The following MMD2 variants were observed in gnomAD, a reference collection of about 807,000 sequenced individuals.
MMD2 encodes the protein monocyte to macrophage differentiation associated 2.
Under a neutral mutation model 33.5 loss-of-function variants are expected in MMD2, and 30 were observed. The observed-to-expected ratio is 0.90, with a 90% confidence interval of 0.67 to 1.22. The LOEUF (loss-of-function observed/expected upper bound fraction) is 1.22, where lower values mean the gene tolerates loss of function less well. Among genes scored for constraint, MMD2 ranks in the 50% most tolerant of loss-of-function variants. MMD2 has a pLI of 0.00. For synonymous variants in MMD2, 129 were observed against 123.0 expected (o/e 1.05, Z -0.32); for missense variants, 364 against 325.4 (o/e 1.12, Z -0.91).
intron 4 of MMD2, among the ~76,000 whole-genome samples, chr7:4,912,911 C>T (rs1281220132): frequency 1.3e-5 from 2 of 152,052 alleles, no homozygotes; most frequent in Non-Finnish European, 2.9e-5. Flanking sequence ...ACCATGTTGG[C>T]CAGGCTGGTC....
chr7:4,933,156 G>C (rs555212617), intron 1 of MMD2, among the ~76,000 whole-genome samples: 1 of 151,476 alleles, frequency 6.6e-6, no homozygotes, highest in South Asian at 2.1e-4. Context: ...CGAGAGGATC[G>C]CTTGAGACCA....
At chr7:4,952,683 T>A (rs1365500474) in intron 1 of MMD2, among the ~76,000 whole-genome samples, 4 of 135,794 alleles carry the variant, frequency 2.9e-5, no homozygotes, top group Non-Finnish European at 6.2e-5. Context: ...GCGTGCTCCG[T>A]ATGAGATTTT....
chr7:4,924,491 T>G (rs939771386), intron 2 of MMD2, among the ~76,000 whole-genome samples: 1 of 152,256 alleles, frequency 6.6e-6, no homozygotes, highest in African/African-American at 2.4e-5. Context: ...AACTCATGTC[T>G]GCATTGCCAG....
chr7:4,911,562 C>T (rs894163611), intron 4 of MMD2, among the ~76,000 whole-genome samples: 8 of 152,006 alleles, frequency 5.3e-5, no homozygotes, highest in South Asian at 2.1e-4. Context: ...TCTCTGTAAC[C>T]GCAGTTCCGG....
intron 2 of MMD2, among the ~76,000 whole-genome samples, chr7:4,922,143 T>C (rs1236234033): frequency 6.6e-6 from 1 of 152,000 alleles, no homozygotes; most frequent in African/African-American, 2.4e-5. Context: ...GGAGAATCGC[T>C]TCAACCCAGG....
At position 4,934,482 on chromosome 7, in the gene MMD2, C is replaced by T. The variant is rs1346651167; in HGVS notation, c.48-8950G>A. Among the ~76,000 whole-genome samples the T allele has an allele frequency of 1.3e-5, 2 of 152,194 alleles. 1 individual carries two copies. The highest frequency in any genetic ancestry group is 4.8e-5 in the African/African-American group (2 of 41,446). Reference sequence around the variant, plus strand: ...CAGAGGTGGCAGTCAGAGAGGCAGCCTCGACGGTGGGAAACTTCTCTCGAA... The same window carrying T: ...CAGAGGTGGCAGTCAGAGAGGCAGCTTCGACGGTGGGAAACTTCTCTCGAA... On this transcript the variant is annotated intron_variant, in intron 1 of 6. Transcript: ENST00000401401.
At position 4,924,543 on chromosome 7, in the gene MMD2, T is replaced by A. The variant is rs528167938; in HGVS notation, c.129+908A>T. Among the ~76,000 whole-genome samples, 7 of 152,306 alleles carry A rather than the reference T, an allele frequency of 4.6e-5. 1 individual carries two copies. In the South Asian group the frequency reaches 1.2e-3, roughly 27 times the overall value. On this transcript the variant is annotated intron_variant, in intron 2 of 6. Transcript: ENST00000401401. ...TGCTGCCTTGAGGGTACCCAGGAAC[T>A]GTTTGCTGAATGAATGTGTGATGGA... is the stretch of plus-strand genomic sequence containing the variant.
chr7:4,909,930 A>G lies in MMD2; in HGVS notation c.488T>C (p.Leu163Pro). Residue 163 changes from leucine to proline, a missense_variant, in exon 6 of 7, where the codon CTC (leucine) becomes CCC (proline). Transcript: ENST00000401401. Reference protein sequence around the residue: ...FHERYKLVELLCYVVMGFFPA... With the variant: ...FHERYKLVELPCYVVMGFFPA... ...GAAGAAGCCCATTACGACGTAGCAG[A>G]GAAGCTCCACAAGCTTGTACCTGGC... 1 of 1,613,966 alleles carries G rather than the reference A, an allele frequency of 6.2e-7. No individual in the cohort carries two copies. Among genetic ancestry groups the G allele is most frequent in the Non-Finnish European group, 8.5e-7 (1 of 1,179,902 alleles).
intron 1 of MMD2, among the ~76,000 whole-genome samples, chr7:4,943,112 C>A (rs1444075494): frequency 6.7e-6 from 1 of 149,158 alleles, no homozygotes; most frequent in Admixed American, 6.9e-5. Flanking sequence ...TGGGTTCAAG[C>A]GATTCTCCTG....
intron 1 of MMD2, among the ~76,000 whole-genome samples, chr7:4,939,277 G>T (rs1233403368): frequency 1.3e-5 from 2 of 152,078 alleles, no homozygotes; most frequent in Non-Finnish European, 2.9e-5. Flanking sequence ...TGGGCCCGGT[G>T]GCTCGTGCCT....
chr7:4,900,621 C>T, the MMD2 span, among the ~76,000 whole-genome samples: 1 of 152,084 alleles, frequency 6.6e-6, no homozygotes, highest in Non-Finnish European at 1.5e-5. Context: ...TCCATGACTC[C>T]TCACCTCCCA....
intron 2 of MMD2, among the ~76,000 whole-genome samples, chr7:4,924,708 T>C (rs559044685): frequency 6.6e-6 from 1 of 152,282 alleles, no homozygotes; most frequent in Non-Finnish European, 1.5e-5. Context: ...GGAAAGGGTT[T>C]CATAGGCAGG....
At chr7:4,924,596 G>A (rs1018943542) in intron 2 of MMD2, among the ~76,000 whole-genome samples, 4 of 152,204 alleles carry the variant, frequency 2.6e-5, no homozygotes, top group African/African-American at 7.2e-5. Context: ...GGCCGTGAAG[G>A]CTACAATGGC....
At chr7:4,908,016 C>T (rs1784906997) in intron 6 of MMD2, among the ~76,000 whole-genome samples, 1 of 151,986 alleles carries the variant, frequency 6.6e-6, no homozygotes, top group South Asian at 2.1e-4. Context: ...CACTATATTG[C>T]CCAGGCTGGT....
At chr7:4,945,249 T>TTCTTCTTCTTCTTCTTCTTC (rs1491219177) in intron 1 of MMD2, among the ~76,000 whole-genome samples, 3 of 144,086 alleles carry the variant, frequency 2.1e-5, no homozygotes, top group African/African-American at 5.2e-5. Flanking sequence ...CCTCTCTCTC[T>TTCTTCTTCTTCTTCTTCTTC]TTCTTTCCCT....
At chr7:4,942,017 G>T (rs568114034) in intron 1 of MMD2, among the ~76,000 whole-genome samples, 117 of 152,160 alleles carry the variant, frequency 7.7e-4, no homozygotes, top group African/African-American at 2.6e-3. Flanking sequence ...GCTGTGGCAT[G>T]ATCTCAGCTC....
chr7:4,892,557 C>T, the MMD2 span, among the ~76,000 whole-genome samples: 1 of 151,100 alleles, frequency 6.6e-6, no homozygotes, highest in Non-Finnish European at 1.5e-5. Context: ...TACTGTACTC[C>T]AGCCTGGGTG....
intron 4 of MMD2, among the ~76,000 whole-genome samples, chr7:4,914,863 G>A (rs911692619): frequency 4.6e-5 from 7 of 152,094 alleles, no homozygotes; most frequent in Non-Finnish European, 1.0e-4. Context: ...CCCGGGAGGT[G>A]GAGGTTGCAG....
downstream of MMD2, among the ~76,000 whole-genome samples, chr7:4,904,345 G>T (rs1410446301): frequency 6.6e-6 from 1 of 152,180 alleles, no homozygotes; most frequent in Non-Finnish European, 1.5e-5. Context: ...CACTACTTAG[G>T]ATACATTCAG....
Sources: gnomAD v4.1 joint callset for allele counts (sites outside exome capture counted in the v4.1 genomes callset) on GRCh38, gnomAD v4.1.1 for gene constraint, MANE v1.5 for transcripts, NCBI Gene and HGNC (gene_info 2026-07-23, HGNC 2026-07-21) for gene names.